MAF: variants seen among roughly 807,000 people sequenced by gnomAD.
The protein encoded by MAF is MAF bZIP transcription factor.
In MAF, 10 loss-of-function variants were observed where a neutral mutation model predicts 22.0. The ratio of observed to expected loss-of-function variants is 0.45; its 90% confidence interval spans 0.28 to 0.77. The LOEUF is 0.77. Among genes scored for constraint, MAF ranks in the 30% least tolerant of loss-of-function variants. The probability of loss-of-function intolerance (pLI) is 0.12; values close to 1 mark genes in which losing one functional copy is unlikely to be tolerated. For synonymous variants in MAF, 337 were observed against 255.8 expected, an observed-to-expected ratio of 1.32 and a Z score of -3.03; for missense variants, 544 against 548.4, an observed-to-expected ratio of 0.99 and a Z score of 0.08.
chr16:79,580,581 C>G, the MAF span, among the ~76,000 whole-genome samples: 2 of 152,136 alleles, frequency 1.3e-5, no homozygotes, highest in African/African-American at 4.8e-5. Flanking sequence ...TGATGAGTCT[C>G]CAGACGCTGC....
the MAF span, among the ~76,000 whole-genome samples, chr16:79,223,023 T>C: frequency 6.6e-6 from 1 of 152,188 alleles, no homozygotes; most frequent in African/African-American, 2.4e-5. Context: ...GCAGATCTAA[T>C]AGACATTTAC....
chr16:79,203,179 T>G, the MAF span: 5 of 152,228 alleles, frequency 3.3e-5, no homozygotes, highest in Non-Finnish European at 7.3e-5. Flanking sequence ...GAGATCTCTC[T>G]GTGTAAAGGC....
At chr16:79,472,097 G>T in the MAF span, among the ~76,000 whole-genome samples, 1 of 152,108 alleles carries the variant, frequency 6.6e-6, no homozygotes, top group South Asian at 2.1e-4. Flanking sequence ...TGGTTTACAA[G>T]GAGCCACCAT....
the MAF span, among the ~76,000 whole-genome samples, chr16:79,271,862 C>G: frequency 2.0e-5 from 3 of 152,208 alleles, no homozygotes; most frequent in African/African-American, 7.2e-5. Flanking sequence ...GAAGAAGGTG[C>G]TGCCTGTAAC....
At chr16:79,248,878 A>G in the MAF span, among the ~76,000 whole-genome samples, 1 of 152,190 alleles carries the variant, frequency 6.6e-6, no homozygotes, top group Admixed American at 6.5e-5. Context: ...ATTTTGTCCA[A>G]AAGAATCCAC....
At chr16:79,212,332 G>A in the MAF span, 15 of 732,080 alleles carry the variant, frequency 2.0e-5, no homozygotes, top group South Asian at 2.0e-4. Flanking sequence ...CCTTGTCCCA[G>A]CCAGTGAGGA....
At chr16:79,404,164 C>CTT in the MAF span, among the ~76,000 whole-genome samples, 1,920 of 121,978 alleles carry the variant, frequency 0.016, 82 homozygotes, top group African/African-American at 0.057. Flanking sequence ...TCTGGATTTT[C>CTT]TTTTTTTTTT....
chr16:79,317,213 T>C, the MAF span, among the ~76,000 whole-genome samples: 1 of 144,258 alleles, frequency 6.9e-6, no homozygotes, highest in Non-Finnish European at 1.5e-5. Flanking sequence ...CTGTCCCTCT[T>C]TTCTTCCATC....
the MAF span, among the ~76,000 whole-genome samples, chr16:79,459,048 G>T: frequency 6.6e-6 from 1 of 152,164 alleles, no homozygotes; most frequent in Non-Finnish European, 1.5e-5. Flanking sequence ...ACCATTTACT[G>T]AGCTAAGTGC....
chr16:79,365,263 C>A, the MAF span, among the ~76,000 whole-genome samples: 1 of 152,186 alleles, frequency 6.6e-6, no homozygotes, highest in Non-Finnish European at 1.5e-5. Context: ...TAGGTAGGCC[C>A]TGCTATCGTG....
the MAF span, among the ~76,000 whole-genome samples, chr16:79,557,451 C>G: frequency 6.6e-6 from 1 of 152,142 alleles, no homozygotes; most frequent in Admixed American, 6.5e-5. Flanking sequence ...CCAATAGAGT[C>G]AGCCCAAATG....
At chr16:79,377,125 T>C in the MAF span, among the ~76,000 whole-genome samples, 15 of 152,172 alleles carry the variant, frequency 9.9e-5, no homozygotes, top group Non-Finnish European at 1.8e-4. Flanking sequence ...GTTGAACTAG[T>C]TTACAGTCCC....
chr16:79,323,042 C>T, the MAF span, among the ~76,000 whole-genome samples: 4 of 149,586 alleles, frequency 2.7e-5, no homozygotes, highest in African/African-American at 4.9e-5. Context: ...CCCAGTCACT[C>T]GGGAGGCTGG....
the MAF span, among the ~76,000 whole-genome samples, chr16:79,548,544 T>G: frequency 6.6e-6 from 1 of 152,256 alleles, no homozygotes. Flanking sequence ...TGTTCTAGCA[T>G]GATACCGTTG....
chr16:79,396,712 C>T, the MAF span, among the ~76,000 whole-genome samples: 1 of 152,332 alleles, frequency 6.6e-6, no homozygotes, highest in East Asian at 1.9e-4. Context: ...ACTGGAGTCA[C>T]TGGAGCATCT....
At chr16:79,407,257 C>A in the MAF span, among the ~76,000 whole-genome samples, 1 of 152,194 alleles carries the variant, frequency 6.6e-6, no homozygotes, top group African/African-American at 2.4e-5. Flanking sequence ...ATTAACCCAC[C>A]TCCAGACGGG....
chr16:79,426,228 A>G, the MAF span, among the ~76,000 whole-genome samples: 4 of 152,062 alleles, frequency 2.6e-5, no homozygotes, highest in African/African-American at 9.7e-5. Context: ...AAAAATTAAC[A>G]TCTTCACTGA....
chr16:79,250,537 C>G, the MAF span, among the ~76,000 whole-genome samples: 1 of 152,184 alleles, frequency 6.6e-6, no homozygotes, highest in Admixed American at 6.5e-5. Context: ...TATGGAGGGA[C>G]TACATTTCTT....
At chr16:79,534,733 T>A in the MAF span, among the ~76,000 whole-genome samples, 1 of 151,988 alleles carries the variant, frequency 6.6e-6, no homozygotes, top group Non-Finnish European at 1.5e-5. Context: ...ACTTAAAGTA[T>A]AATTTAAAAA....
Sources: gnomAD v4.1 joint callset for allele counts (sites outside exome capture counted in the v4.1 genomes callset) on GRCh38, gnomAD v4.1.1 for gene constraint, MANE v1.5 for transcripts, NCBI Gene and HGNC (gene_info 2026-07-23, HGNC 2026-07-21) for gene names.